Variants in APAF1 observed in about 807,000 individuals in gnomAD.
The protein encoded by APAF1 is apoptotic protease-activating factor 1.
APAF1 carries 91 observed loss-of-function variants against 152.4 expected under a neutral mutation model. The ratio of observed to expected loss-of-function variants is 0.60; its 90% CI spans 0.50 to 0.71. The LOEUF (loss-of-function observed/expected upper bound fraction) is 0.71, where lower values mean the gene tolerates loss of function less well. APAF1 is among the 30% of genes least tolerant of loss of function. APAF1 has a pLI of 0.00. For synonymous variants in APAF1, 484 were observed against 494.1 expected, an observed-to-expected ratio of 0.98 and a Z score of 0.27; for missense variants, 1,283 against 1,472.0, an observed-to-expected ratio of 0.87 and a Z score of 2.10.
At chr12:98,680,217 G>T (rs2097690864) in intron 13 of APAF1, 60 bp from the exon 14 acceptor site, 14 of 1,495,994 alleles carry the variant, frequency 9.4e-6, no homozygotes, top group Non-Finnish European at 1.2e-5. Context: ...GATTTTTATT[G>T]AATGATGACC....
chr12:98,709,028 T>C (rs1165033594), intron 20 of APAF1, among the ~76,000 whole-genome samples: 3 of 152,160 alleles, frequency 2.0e-5, no homozygotes, highest in African/African-American at 7.2e-5. Flanking sequence ...TGATGGAGTG[T>C]GCAAGGGGGA....
rs1382425323 is a variant in APAF1 at position 98,735,232 on chromosome 12, C to T, written c.*2666C>T. 1.3e-5 allele frequency: 5 copies of T among 398,818 alleles called. No individual in the cohort carries two copies. Among genetic ancestry groups the T allele is most frequent in the South Asian group, 1.3e-4 (1 of 7,926 alleles). The allele number at this position is 398,818 out of a possible 1,614,324, so 24.7% of individuals were successfully genotyped here. ...AGATGAGCATTTCTAAAGCATTTTC[C>T]CTTGCTGTATTTTTTTGTATTATAA... On this transcript the variant is annotated 3_prime_UTR_variant, in exon 27 of 27. Transcript: ENST00000551964.
In APAF1 at chr12:98,662,812, G is replaced by A; in HGVS notation, c.955+6G>A. On this transcript the variant is annotated splice_donor_region_variant and intron_variant, in intron 7 of 26. Transcript: ENST00000551964. ...TATTATAAAAGAATGTAAAGGTATG[G>A]TTATTTATTTGTTTATGAGGAGATT... The A allele has an allele frequency of 6.2e-7, 1 of 1,606,760 alleles. No individual in the cohort carries two copies. The highest frequency in any genetic ancestry group is 1.1e-5 in the South Asian group (1 of 90,782).
At chr12:98,675,584 A>G (rs1250551551) in intron 12 of APAF1, among the ~76,000 whole-genome samples, 53 of 152,208 alleles carry the variant, frequency 3.5e-4, no homozygotes, top group Admixed American at 3.5e-3. Flanking sequence ...CCTAAACACG[A>G]TGGTATTACA....
At chr12:98,709,364 A>G (rs540226275) in intron 20 of APAF1, among the ~76,000 whole-genome samples, 10 of 152,190 alleles carry the variant, frequency 6.6e-5, no homozygotes, top group Non-Finnish European at 1.5e-4. Context: ...GCATTTCTCA[A>G]CTAGCTGAAG....
intron 24 of APAF1, 142 bp from the exon 25 acceptor site, chr12:98,725,273 G>T (rs4762506): frequency 1.9e-6 from 2 of 1,030,576 alleles, no homozygotes; most frequent in Non-Finnish European, 2.9e-6. Flanking sequence ...TTGCATGCTG[G>T]AACTTGGGCA....
In APAF1 at chr12:98,683,181, T is replaced by G; in HGVS notation, c.2085T>G (p.Tyr695Ter). 1 of 1,613,238 alleles carries G rather than the reference T, an allele frequency of 6.2e-7. No individual in the cohort carries two copies. The highest frequency in any genetic ancestry group is 1.1e-5 in the South Asian group (1 of 91,062). ...NSMTGELVHT[Y>*]DEHSEQVNCC... ...TGACTGGGGAACTAGTACACACCTA[T>G]GATGAGCACTCAGAGCAAGTCAATT... Residue 695 changes from tyrosine (Y) to a stop codon, truncating the protein, a stop_gained, in exon 15 of 27, where the codon TAT becomes TAG. Transcript: ENST00000551964. LOFTEE classifies it high-confidence loss of function.
intron 12 of APAF1, among the ~76,000 whole-genome samples, chr12:98,676,963 G>A (rs1218006397): frequency 1.3e-5 from 2 of 152,154 alleles, no homozygotes; most frequent in African/African-American, 2.4e-5. Context: ...CAGCTTTAAA[G>A]TACATCATAA....
chr12:98,685,908 A>ACTG (rs902871470), intron 15 of APAF1, among the ~76,000 whole-genome samples: 2 of 152,308 alleles, frequency 1.3e-5, no homozygotes, highest in Admixed American at 6.5e-5. Context: ...AAGTGCTGGG[A>ACTG]TTACAGGGGT....
intron 1 of APAF1, among the ~76,000 whole-genome samples, chr12:98,646,946 T>C (rs1234923708): frequency 6.6e-6 from 1 of 152,172 alleles, no homozygotes; most frequent in African/African-American, 2.4e-5. Flanking sequence ...GCTGACATCC[T>C]CCTTGAACGA....
rs2097698455 is a variant in APAF1 at position 98,686,748 on chromosome 12, C to T, written c.2179C>T (p.Leu727Phe). The change falls in exon 16 of 27, where the codon CTT becomes TTT. Residue 727 changes from leucine (L) to phenylalanine (F), a missense_variant and splice_region_variant. By Grantham distance (22) the Leu-to-Phe change is conservative. Transcript: ENST00000551964. ...TTATCTTTTTTTCTTTCACAAATAG[C>T]TTTGGGATTTGAATCAAAAAGAATG... Reference protein sequence around the residue: ...ATGSSDCFLKLWDLNQKECRN... With the variant: ...ATGSSDCFLKFWDLNQKECRN... The T allele has an allele frequency of 1.2e-6, 2 of 1,613,150 alleles. No homozygotes were observed. The highest frequency in any genetic ancestry group is 1.7e-6 in the Non-Finnish European group (2 of 1,179,438).
intron 16 of APAF1, among the ~76,000 whole-genome samples, chr12:98,696,506 A>G (rs1296222771): frequency 6.6e-6 from 1 of 152,142 alleles, no homozygotes; most frequent in Admixed American, 6.5e-5. Flanking sequence ...TGGGGATCCA[A>G]TTTCAACACG....
Position 98,712,882 on chromosome 12 carries a change from A to G in APAF1, c.2958+447A>G, listed in dbSNP as rs971845802. The G allele has an allele frequency of 4.7e-5, 8 of 169,584 alleles. No individual in the cohort carries two copies. In the East Asian group the frequency reaches 1.4e-3, roughly 29 times the overall value. The allele number at this position is 169,584 out of a possible 1,614,324, so 10.5% of individuals were successfully genotyped here. A position where few individuals can be genotyped will look rare whatever the true frequency, so the allele number is the denominator to read the frequency against. On this transcript the variant is annotated intron_variant, in intron 21 of 26. Transcript: ENST00000551964. ...GCACAGGCTGGAGTGCAGTGGTACAATCTTGGCTCACTGCAGCCTTTGCCT... is the reference window on the plus strand; with the variant it reads ...GCACAGGCTGGAGTGCAGTGGTACAGTCTTGGCTCACTGCAGCCTTTGCCT...
Position 98,730,770 on chromosome 12 carries a change from T to C in APAF1, c.3601-1650T>C, listed in dbSNP as rs1427348831. 3.3e-5 allele frequency among the ~76,000 whole-genome samples: 5 copies of C among 152,198 alleles called. No individual in the cohort carries two copies. The South Asian group carries it at 8.3e-4, about 25-fold the overall frequency. Reference sequence around the variant, plus strand: ...GCTGTAGTGTCCAAGAAAATAGGCCTTTTGAGCCTGTTTACTTTAGAATCC... The same window carrying C: ...GCTGTAGTGTCCAAGAAAATAGGCCCTTTGAGCCTGTTTACTTTAGAATCC... On this transcript the variant is annotated intron_variant, in intron 26 of 26. Coordinates refer to ENST00000551964, the MANE Select transcript of APAF1 (RefSeq NM_181861.2).
chr12:98,729,929 G>A (rs527523574), intron 26 of APAF1, among the ~76,000 whole-genome samples: 20 of 152,146 alleles, frequency 1.3e-4, no homozygotes, highest in Non-Finnish European at 2.5e-4. Context: ...AATACAGTAG[G>A]GAAATTATAG....
intron 22 of APAF1, among the ~76,000 whole-genome samples, chr12:98,717,724 C>T (rs1430336844): frequency 1.3e-5 from 2 of 151,912 alleles, no homozygotes; most frequent in African/African-American, 4.8e-5. Flanking sequence ...TGCATAGTTG[C>T]TGTTCCCTCC....
rs183080362 is a variant in APAF1 at position 98,704,600 on chromosome 12, C to T, written c.2595+1101C>T. ...AGGGCATGAGATCCATAGGCTTCTC[C>T]TAATTCTAGGTGCAGCAGTGCATGT... On this transcript the variant is annotated intron_variant, in intron 18 of 26. Coordinates refer to ENST00000551964, the MANE Select transcript of APAF1 (RefSeq NM_181861.2). Among the ~76,000 whole-genome samples the T allele has an allele frequency of 9.2e-5, 14 of 152,278 alleles. No individual in the cohort carries two copies. The East Asian group carries it at 2.7e-3, about 29-fold the overall frequency.
chr12:98,690,249 T>C (rs2097702763), intron 16 of APAF1, among the ~76,000 whole-genome samples: 1 of 152,210 alleles, frequency 6.6e-6, no homozygotes, highest in Admixed American at 6.5e-5. Flanking sequence ...CTAGAAACTC[T>C]TTCTGGGTAG....
At chr12:98,676,972 A>C (rs758539393) in intron 12 of APAF1, among the ~76,000 whole-genome samples, 3 of 152,206 alleles carry the variant, frequency 2.0e-5, no homozygotes, top group Non-Finnish European at 2.9e-5. Context: ...AGTACATCAT[A>C]ATAATGGTGG....
Sources: gnomAD v4.1 joint callset for allele counts (sites outside exome capture counted in the v4.1 genomes callset) on GRCh38, gnomAD v4.1.1 for gene constraint, MANE v1.5 for transcripts, NCBI Gene and HGNC (gene_info 2026-07-23, HGNC 2026-07-21) for gene names.